Variants in ITGB1BP1 observed in about 807,000 individuals in gnomAD.
ITGB1BP1 encodes integrin beta-1-binding protein 1.
In ITGB1BP1, 20 loss-of-function variants were observed where a neutral mutation model predicts 28.0. The ratio of observed to expected loss-of-function variants is 0.71; its 90% CI spans 0.50 to 1.04. ITGB1BP1 has a LOEUF of 1.04. Among genes scored for constraint, ITGB1BP1 ranks in the 50% least tolerant of loss-of-function variants. ITGB1BP1 has a pLI of 0.00. For synonymous variants in ITGB1BP1, 103 were observed against 89.5 expected (o/e 1.15, Z -0.85); for missense variants, 228 against 242.5 (o/e 0.94, Z 0.40).
chr2:9,419,953 A>C (rs1278197202), intron 1 of ITGB1BP1: 1 of 578,596 alleles, frequency 1.7e-6, no homozygotes, highest in Non-Finnish European at 2.2e-6. Flanking sequence ...TTTACCAAAA[A>C]CTGTATTCTC....
At chr2:9,420,173 C>A (rs909845598) in intron 1 of ITGB1BP1, 13 of 355,258 alleles carry the variant, frequency 3.7e-5, no homozygotes, top group Admixed American at 1.3e-4. Flanking sequence ...AAAGATTCTC[C>A]GTATTTGGAG....
chr2:9,417,634 G>T (rs564070479), intron 2 of ITGB1BP1, among the ~76,000 whole-genome samples: 1 of 152,198 alleles, frequency 6.6e-6, no homozygotes, highest in East Asian at 1.9e-4. Context: ...GGCCAGGTTG[G>T]TCTCAAACTC....
At chr2:9,418,776 CTT>C (rs35904811) in intron 1 of ITGB1BP1, 44 bp from the exon 2 acceptor site, 19,764 of 922,240 alleles carry the variant, frequency 0.021, no homozygotes, top group East Asian at 0.026. Context: ...GGAAAAGCAA[CTT>C]TTTTTTTTTT....
intron 4 of ITGB1BP1, chr2:9,412,037 G>A (rs539551824): frequency 4.6e-6 from 2 of 430,658 alleles, no homozygotes; most frequent in Admixed American, 4.4e-5. Flanking sequence ...AGCGAAACTT[G>A]GTCTCAAAAA....
chr2:9,407,004 C>G, intron 6 of ITGB1BP1, 99 bp from the exon 7 acceptor site: 2 of 881,760 alleles, frequency 2.3e-6, no homozygotes, highest in East Asian at 2.5e-5. Flanking sequence ...CTTAAGACCT[C>G]TCCTAAGCAA....
intron 1 of ITGB1BP1, among the ~76,000 whole-genome samples, chr2:9,420,608 T>C (rs368346592): frequency 1.3e-5 from 2 of 152,276 alleles, no homozygotes; most frequent in East Asian, 3.9e-4. Flanking sequence ...ATAAATAGCC[T>C]GGAGGCAATG....
At position 9,416,139 on chromosome 2, in the gene ITGB1BP1, C is replaced by G. The variant is rs528182377; in HGVS notation, c.73-1883G>C. Among the ~76,000 whole-genome samples, 5 of 152,322 alleles carry G rather than the reference C, an allele frequency of 3.3e-5. No homozygotes were observed. The South Asian group carries it at 1.0e-3, about 32-fold the overall frequency. On this transcript the variant is annotated intron_variant, in intron 2 of 6. Coordinates refer to ENST00000355346, the MANE Select transcript of ITGB1BP1 (RefSeq NM_004763.5). Reference sequence around the variant, plus strand: ...CACTCACTCACTCATTGACCCGACTCAGCCTCCAGCTTCCTGCCTGTGCCT... The same window carrying G: ...CACTCACTCACTCATTGACCCGACTGAGCCTCCAGCTTCCTGCCTGTGCCT...
At chr2:9,416,040 A>T (rs1679089865) in intron 2 of ITGB1BP1, among the ~76,000 whole-genome samples, 1 of 152,190 alleles carries the variant, frequency 6.6e-6, no homozygotes, top group Admixed American at 6.5e-5. Flanking sequence ...TGAACACACA[A>T]CTTTAAAATT....
chr2:9,417,330 C>T (rs932172825), intron 2 of ITGB1BP1, among the ~76,000 whole-genome samples: 1 of 151,976 alleles, frequency 6.6e-6, no homozygotes, highest in Non-Finnish European at 1.5e-5. Flanking sequence ...TATCATGGCC[C>T]CACTTCTCCT....
chr2:9,422,293 A>G (rs965698958), intron 1 of ITGB1BP1, among the ~76,000 whole-genome samples: 2 of 152,222 alleles, frequency 1.3e-5, no homozygotes, highest in African/African-American at 4.8e-5. Flanking sequence ...CTTCAGCACG[A>G]CACGCCAGGT....
chr2:9,421,192 A>C (rs1335956458), intron 1 of ITGB1BP1, among the ~76,000 whole-genome samples: 1 of 152,230 alleles, frequency 6.6e-6, no homozygotes, highest in Non-Finnish European at 1.5e-5. Flanking sequence ...ACTTATTTTA[A>C]AAACAAAATG....
At chr2:9,414,713 A>G (rs1678901732) in intron 2 of ITGB1BP1, among the ~76,000 whole-genome samples, 1 of 152,214 alleles carries the variant, frequency 6.6e-6, no homozygotes, top group African/African-American at 2.4e-5. Context: ...CCAAGGTCAC[A>G]TCTAGTAAAT....
At chr2:9,423,351 G>C in intron 1 of ITGB1BP1, 22 bp downstream of exon 1, 2 of 1,205,334 alleles carry the variant, frequency 1.7e-6, no homozygotes, top group Non-Finnish European at 2.1e-6. Flanking sequence ...GGCCCCAAGC[G>C]GGACGAGGGC....
chr2:9,416,966 C>T (rs986655101), intron 2 of ITGB1BP1, among the ~76,000 whole-genome samples: 1 of 152,066 alleles, frequency 6.6e-6, no homozygotes, highest in Non-Finnish European at 1.5e-5. Flanking sequence ...CCATGAGTGC[C>T]ACCTCAAACT....
chr2:9,413,473 C>T (rs962805825), intron 3 of ITGB1BP1, among the ~76,000 whole-genome samples: 10 of 152,094 alleles, frequency 6.6e-5, no homozygotes, highest in Non-Finnish European at 1.5e-4. Context: ...GGATTACAAG[C>T]ATGCGCCACC....
intron 2 of ITGB1BP1, among the ~76,000 whole-genome samples, chr2:9,418,286 T>G (rs752088106): frequency 1.3e-4 from 20 of 152,222 alleles, no homozygotes; most frequent in Non-Finnish European, 2.5e-4. Context: ...AAAGTAATTA[T>G]GCACACCACA....
At chr2:9,419,176 C>A (rs1248419343) in intron 1 of ITGB1BP1, among the ~76,000 whole-genome samples, 1 of 152,222 alleles carries the variant, frequency 6.6e-6, no homozygotes, top group East Asian at 1.9e-4. Flanking sequence ...CCTTTTCATT[C>A]TTTCCTATTA....
chr2:9,419,452 G>A (rs1262601865), intron 1 of ITGB1BP1, among the ~76,000 whole-genome samples: 2 of 152,160 alleles, frequency 1.3e-5, no homozygotes, highest in South Asian at 2.1e-4. Context: ...TCAGAAATGT[G>A]CATTTTTCTT....
chr2:9,414,287 C>G, intron 2 of ITGB1BP1, 31 bp from the exon 3 acceptor site: 1 of 1,547,510 alleles, frequency 6.5e-7, no homozygotes, highest in African/African-American at 1.4e-5. Flanking sequence ...TAAAAAACCT[C>G]CACTGAAGCA....
Sources: gnomAD v4.1 joint callset for allele counts (sites outside exome capture counted in the v4.1 genomes callset) on GRCh38, gnomAD v4.1.1 for gene constraint, MANE v1.5 for transcripts, NCBI Gene and HGNC (gene_info 2026-07-23, HGNC 2026-07-21) for gene names.